The following FAR2 variants were observed in gnomAD, a reference collection of about 807,000 sequenced individuals.
FAR2 encodes epididymis secretory protein Li 81.
A neutral mutation model predicts 56.0 loss-of-function variants in FAR2; 19 were observed. That is an observed-to-expected ratio of 0.34 (90% confidence interval 0.24 to 0.50). The LOEUF is 0.50. Ranked by LOEUF, FAR2 falls within the 20% of genes least tolerant of loss-of-function variation. FAR2 has a pLI of 0.98. For missense variants in FAR2, 508 were observed against 642.2 expected (o/e 0.79, Z 2.26); for synonymous variants, 219 against 218.8 (o/e 1.00, Z -0.01).
At chr12:29,191,272 C>G (rs1462728084) in intron 1 of FAR2, among the ~76,000 whole-genome samples, 1 of 152,258 alleles carries the variant, frequency 6.6e-6, no homozygotes, top group East Asian at 1.9e-4. Context: ...TGCATTTCCC[C>G]CATCTCTACC....
At chr12:29,285,063 G>A (rs926108674) in intron 2 of FAR2, among the ~76,000 whole-genome samples, 2 of 152,024 alleles carry the variant, frequency 1.3e-5, no homozygotes, top group Admixed American at 1.3e-4. Context: ...GGATGGTCTC[G>A]ATCTCCTGAC....
Position 29,311,943 on chromosome 12 carries a change from C to A in FAR2, c.948C>A (p.His316Gln). 6.2e-7 allele frequency: 1 copy of A among 1,608,578 alleles called. No homozygotes were observed. Among genetic ancestry groups the A allele is most frequent in the Admixed American group, 1.7e-5 (1 of 59,598 alleles). Residue 316 changes from histidine to glutamine, a missense_variant, in exon 8 of 12, where the codon CAC becomes CAA. Transcript: ENST00000536681. ...TSGNMNPCNW[H>Q]KMGVQVLATF... ...GTAACATGAATCCCTGCAATTGGCA[C>A]AAAATGGGTAAGTACTTTAGCTATG...
intron 1 of FAR2, among the ~76,000 whole-genome samples, chr12:29,258,846 G>T (rs1948371354): frequency 6.6e-6 from 1 of 152,128 alleles, no homozygotes; most frequent in South Asian, 2.1e-4. Context: ...GTGAGAGCTG[G>T]GATTATGGAT....
intron 1 of FAR2, among the ~76,000 whole-genome samples, chr12:29,200,250 C>T (rs1379881959): frequency 6.6e-6 from 1 of 152,150 alleles, no homozygotes; most frequent in African/African-American, 2.4e-5. Context: ...AATGGTACTC[C>T]CTGGTGCTGG....
At chr12:29,239,209 C>T (rs914863784) in intron 1 of FAR2, among the ~76,000 whole-genome samples, 2 of 152,058 alleles carry the variant, frequency 1.3e-5, no homozygotes, top group South Asian at 2.1e-4. Context: ...GGATTACACA[C>T]GGAGTGAGTC....
intron 1 of FAR2, among the ~76,000 whole-genome samples, chr12:29,175,293 G>A (rs1370277884): frequency 6.6e-6 from 1 of 152,180 alleles, no homozygotes; most frequent in Non-Finnish European, 1.5e-5. Flanking sequence ...GGACCTTCGT[G>A]GTGAGTGTTA....
intron 1 of FAR2, among the ~76,000 whole-genome samples, chr12:29,228,095 A>G (rs1437763095): frequency 6.6e-6 from 1 of 151,816 alleles, no homozygotes; most frequent in Non-Finnish European, 1.5e-5. Context: ...ACAAACCTGC[A>G]TATTGTGCAC....
At chr12:29,210,963 C>A (rs943491997) in intron 1 of FAR2, among the ~76,000 whole-genome samples, 2 of 151,382 alleles carry the variant, frequency 1.3e-5, no homozygotes, top group Admixed American at 1.3e-4. Flanking sequence ...AAAACTATAT[C>A]ATTCTTATAA....
At chr12:29,302,895 A>C (rs1022257435) in intron 4 of FAR2, among the ~76,000 whole-genome samples, 1 of 152,130 alleles carries the variant, frequency 6.6e-6, no homozygotes, top group Non-Finnish European at 1.5e-5. Context: ...TTTGGGAAAG[A>C]AAAAAACAAT....
chr12:29,219,731 T>C lies in FAR2; in HGVS notation c.-38-50681T>C, dbSNP rs144977437. ...ATATAAGTCATTCTGCCAATGCCCA[T>C]ATCTGTGATGCTGACAGCAGCTCTT... On this transcript the variant is annotated intron_variant, in intron 1 of 11. Coordinates refer to ENST00000536681, the MANE Select transcript of FAR2 (RefSeq NM_001271783.2). Among the ~76,000 whole-genome samples the C allele has an allele frequency of 3.9e-5, 6 of 152,346 alleles. No homozygotes were observed. The East Asian group carries it at 1.2e-3, about 29-fold the overall frequency.
At chr12:29,207,840 C>CACT (rs1947493504) in intron 1 of FAR2, among the ~76,000 whole-genome samples, 1 of 152,298 alleles carries the variant, frequency 6.6e-6, no homozygotes, top group African/African-American at 2.4e-5. Flanking sequence ...ATAAATTTCA[C>CACT]ACTACTGTCC....
chr12:29,263,492 G>T (rs907996372), intron 1 of FAR2, among the ~76,000 whole-genome samples: 1 of 151,790 alleles, frequency 6.6e-6, no homozygotes, highest in African/African-American at 2.4e-5. Flanking sequence ...TCAACAACAA[G>T]ACCAATTTTG....
chr12:29,296,127 T>A (rs1167965792), intron 3 of FAR2, among the ~76,000 whole-genome samples: 4 of 152,260 alleles, frequency 2.6e-5, no homozygotes, highest in African/African-American at 4.8e-5. Flanking sequence ...TCAGTTTTTT[T>A]AAAAAGCTGC....
rs2136836924 is a variant in FAR2 at position 29,334,826 on chromosome 12, A to G, written c.*1032A>G. The G allele has an allele frequency of 6.6e-6, 1 of 152,326 alleles. No homozygotes were observed. The highest frequency in any genetic ancestry group is 1.9e-4 in the East Asian group (1 of 5,184). The allele number at this position is 152,326 out of a possible 1,614,324, so 9.4% of individuals were successfully genotyped here. The stretch of plus-strand genomic sequence containing the variant: ...AATTGCACAATGTTAACTGTACAAC[A>G]CACAGCAGAAAAGTGAATAGACTTC... On this transcript the variant is annotated 3_prime_UTR_variant, in exon 12 of 12. Transcript: ENST00000536681.
chr12:29,332,134 C>CA (rs1949739861), intron 10 of FAR2, among the ~76,000 whole-genome samples: 1 of 152,006 alleles, frequency 6.6e-6, no homozygotes, highest in Non-Finnish European at 1.5e-5. Flanking sequence ...CTTTGCTTCC[C>CA]AAAGTTTAAT....
chr12:29,224,642 C>A (rs118158340), intron 1 of FAR2, among the ~76,000 whole-genome samples: 6,140 of 152,168 alleles, frequency 0.04, 172 homozygotes, highest in Non-Finnish European at 0.059. Flanking sequence ...TGGGTATGGG[C>A]GAACTGGAAC....
chr12:29,255,759 G>A (rs10047562), intron 1 of FAR2, among the ~76,000 whole-genome samples: 64,557 of 151,896 alleles, frequency 0.43, 14,573 homozygotes, highest in African/African-American at 0.59. Context: ...CAAGTAGCTC[G>A]GATTACAGGC....
chr12:29,167,161 C>T (rs1949837964), intron 1 of FAR2, among the ~76,000 whole-genome samples: 1 of 152,216 alleles, frequency 6.6e-6, no homozygotes, highest in African/African-American at 2.4e-5. Flanking sequence ...TCGCTATCCC[C>T]ATTGGATACT....
chr12:29,298,391 G>A (rs975317057), intron 4 of FAR2, among the ~76,000 whole-genome samples: 1 of 150,810 alleles, frequency 6.6e-6, no homozygotes, highest in Non-Finnish European at 1.5e-5. Flanking sequence ...ATATAATACT[G>A]TATTTATATT....
Sources: allele counts gnomAD v4.1 joint callset (sites outside exome capture counted in the v4.1 genomes callset), GRCh38; gene constraint gnomAD v4.1.1; transcripts MANE v1.5; gene names NCBI Gene and HGNC (gene_info 2026-07-23, HGNC 2026-07-21).